The following ABCC5 variants were observed in gnomAD, a reference collection of about 807,000 sequenced individuals.
ABCC5 encodes the protein ATP-binding cassette sub-family C member 5.
A neutral mutation model predicts 160.9 loss-of-function variants in ABCC5; 61 were observed. That is an observed-to-expected ratio of 0.38 (90% CI 0.31 to 0.47). ABCC5 has a LOEUF of 0.47. Ranked by LOEUF, ABCC5 falls within the 20% of genes least tolerant of loss-of-function variation. The pLI is 0.99. For synonymous variants in ABCC5, 666 were observed against 700.6 expected, an observed-to-expected ratio of 0.95 and a Z score of 0.78; for missense variants, 1,308 against 1,813.3, an observed-to-expected ratio of 0.72 and a Z score of 5.06.
intron 2 of ABCC5, among the ~76,000 whole-genome samples, chr3:184,007,759 G>A (rs368045507): frequency 1.4e-4 from 21 of 152,028 alleles, no homozygotes; most frequent in East Asian, 3.9e-4. Flanking sequence ...CTTGGGAGGC[G>A]GAGGTTGCAG....
chr3:183,943,799 C>T (rs1305130638), intron 24 of ABCC5, among the ~76,000 whole-genome samples: 1 of 152,166 alleles, frequency 6.6e-6, no homozygotes, highest in African/African-American at 2.4e-5. Flanking sequence ...GTAATCCTAA[C>T]CTCTCCAGCA....
chr3:183,926,729 G>A (rs935350358), intron 28 of ABCC5, among the ~76,000 whole-genome samples: 2 of 151,962 alleles, frequency 1.3e-5, no homozygotes, highest in African/African-American at 4.8e-5. Flanking sequence ...TGGATTGGAT[G>A]ACCTTAAAGT....
intron 9 of ABCC5, among the ~76,000 whole-genome samples, 178 bp downstream of exon 9, chr3:183,978,320 TTTTTG>T (rs927892837): frequency 1.3e-4 from 19 of 151,896 alleles, no homozygotes; most frequent in African/African-American, 3.4e-4. Context: ...TGGTATTTTT[TTTTTG>T]TTTGTTTGTT....
intron 27 of ABCC5, chr3:183,927,835 T>C (rs1391129305): frequency 2.2e-5 from 22 of 984,980 alleles, no homozygotes; most frequent in Non-Finnish European, 2.7e-5. Flanking sequence ...AAACATTTTT[T>C]GTAAGCTGCA....
In ABCC5 at chr3:183,963,024, G is replaced by A. The variant is rs1716918636; in HGVS notation, c.2235+361C>T. Among the ~76,000 whole-genome samples, 1 of 152,222 alleles carries A rather than the reference G, an allele frequency of 6.6e-6. No individual in the cohort carries two copies. The highest frequency in any genetic ancestry group is 2.4e-5 in the African/African-American group (1 of 41,464). On this transcript the variant is annotated intron_variant, in intron 15 of 29. Transcript: ENST00000334444. The surrounding 1 kb of genome is among the most constrained non-coding windows in gnomAD (Gnocchi z 4.6). Reference sequence around the variant, plus strand: ...GCTCTCCAAAGTGCCTGCTTATGATGGAATGGCAGAGGGAGAAAAGCTTGT... The same window carrying A: ...GCTCTCCAAAGTGCCTGCTTATGATAGAATGGCAGAGGGAGAAAAGCTTGT...
At chr3:183,985,735 G>C (rs1719152444) in intron 5 of ABCC5, 1 of 339,664 alleles carries the variant, frequency 2.9e-6, no homozygotes, top group Non-Finnish European at 5.7e-6. Flanking sequence ...TAGAGATTCT[G>C]GTACTCCATT....
chr3:183,932,170 T>C (rs1385070499), intron 26 of ABCC5, among the ~76,000 whole-genome samples: 2 of 152,188 alleles, frequency 1.3e-5, no homozygotes, highest in Non-Finnish European at 2.9e-5. Context: ...ATAGTAGCCT[T>C]GGTTTTCAGA....
intron 15 of ABCC5, among the ~76,000 whole-genome samples, chr3:183,962,848 C>T (rs1716898119): frequency 1.3e-5 from 2 of 152,246 alleles, no homozygotes; most frequent in Admixed American, 6.5e-5. Context: ...TCACATGAAT[C>T]TGCTGATGGA....
At chr3:183,930,477 A>G (rs1361676697) in intron 26 of ABCC5, among the ~76,000 whole-genome samples, 2 of 152,248 alleles carry the variant, frequency 1.3e-5, no homozygotes, top group African/African-American at 2.4e-5. Flanking sequence ...GTACCTAAGA[A>G]TGTGACCTTA....
intron 2 of ABCC5, among the ~76,000 whole-genome samples, chr3:184,002,955 A>T (rs1385389235): frequency 6.6e-6 from 1 of 152,062 alleles, no homozygotes; most frequent in African/African-American, 2.4e-5. Flanking sequence ...CCTCAAATAA[A>T]GCGGTATCTG....
chr3:183,936,687 T>G (rs1275844827), intron 26 of ABCC5, among the ~76,000 whole-genome samples: 1 of 152,144 alleles, frequency 6.6e-6, no homozygotes, highest in Non-Finnish European at 1.5e-5. Flanking sequence ...TTTTGTATTT[T>G]TTAGTAGAGA....
At chr3:183,992,951 C>T (rs1719909288) in intron 2 of ABCC5, among the ~76,000 whole-genome samples, 1 of 152,092 alleles carries the variant, frequency 6.6e-6, no homozygotes, top group African/African-American at 2.4e-5. Context: ...ACTCCTATTA[C>T]AAGAGAAAAC....
chr3:183,991,310 AAAAAAAC>A (rs1435013873), intron 2 of ABCC5, among the ~76,000 whole-genome samples: 1 of 151,572 alleles, frequency 6.6e-6, no homozygotes, highest in African/African-American at 2.4e-5. Flanking sequence ...AAGAAGGAAA[AAAAAAAC>A]AAAAAACAAA....
At chr3:183,992,806 T>A (rs1364196787) in intron 2 of ABCC5, among the ~76,000 whole-genome samples, 2 of 151,094 alleles carry the variant, frequency 1.3e-5, no homozygotes, top group East Asian at 1.9e-4. Context: ...AAATAAAAAA[T>A]AAAAAAATAA....
intron 12 of ABCC5, among the ~76,000 whole-genome samples, chr3:183,966,553 G>C (rs1717232949): frequency 6.6e-6 from 1 of 152,186 alleles, no homozygotes; most frequent in East Asian, 1.9e-4. Context: ...CACATTGCTA[G>C]ATGGCAGAGC....
Position 183,937,962 on chromosome 3 carries a change from C to T in ABCC5, c.3793G>A (p.Asp1265Asn), listed in dbSNP as rs1713909100. The stretch of plus-strand genomic sequence containing the variant: ...ATGATAGAGAGTTTGCTTCGGAGGT[C>T]GGCAAGGCCAATATCACTGATTCTC... ...GVRISDIGLA[D>N]LRSKLSIIPQ... is the part of the protein sequence containing the mutation. Residue 1265 changes from aspartate (D) to asparagine (N), a missense_variant, in exon 26 of 30, where the codon GAC becomes AAC. Transcript: ENST00000334444. 5 of 1,614,064 alleles carry T rather than the reference C, an allele frequency of 3.1e-6. No individual in the cohort carries two copies. Among genetic ancestry groups the T allele is most frequent in the South Asian group, 1.1e-5 (1 of 91,072 alleles).
intron 26 of ABCC5, among the ~76,000 whole-genome samples, chr3:183,931,667 C>T (rs1406901786): frequency 6.6e-6 from 1 of 152,192 alleles, no homozygotes; most frequent in Non-Finnish European, 1.5e-5. Context: ...AGGTCCATCA[C>T]ACCAGCTGAA....
chr3:184,008,430 C>T (rs4148562), intron 2 of ABCC5, among the ~76,000 whole-genome samples: 8,175 of 152,200 alleles, frequency 0.054, 268 homozygotes, highest in Middle Eastern at 0.078. Context: ...GCTGAAGTAA[C>T]GCCAGCCTAA....
rs1185237989 is a variant in ABCC5 at position 183,920,475 on chromosome 3, T to C, written c.*825A>G. On this transcript the variant is annotated 3_prime_UTR_variant, in exon 30 of 30. Transcript: ENST00000334444. The surrounding 1 kb of genome is among the most constrained non-coding windows in gnomAD (Gnocchi z 4.1). The stretch of plus-strand genomic sequence containing the variant: ...GCAGTGGGACTCTCTGTGGATAGAC[T>C]GATTCTTGTTTAGAAACAACAGCAA... The C allele has an allele frequency of 1.3e-5, 2 of 152,540 alleles. No individual in the cohort carries two copies. Among genetic ancestry groups the C allele is most frequent in the Non-Finnish European group, 2.9e-5 (2 of 68,040 alleles). 9.4% of individuals were successfully genotyped at this position (152,540 alleles called of 1,614,324 possible). A position where few individuals can be genotyped will look rare whatever the true frequency, so the allele number is the denominator to read the frequency against.
Sources: gnomAD v4.1 joint callset for allele counts (sites outside exome capture counted in the v4.1 genomes callset) on GRCh38, gnomAD v4.1.1 for gene constraint, Gnocchi (gnomAD v3.1) non-coding constraint, MANE v1.5 for transcripts, NCBI Gene and HGNC (gene_info 2026-07-23, HGNC 2026-07-21) for gene names.